The following ARHGAP6 variants were observed in gnomAD, a reference collection of about 807,000 sequenced individuals.
ARHGAP6 encodes the protein rho GTPase-activating protein 6.
ARHGAP6 carries 16 observed loss-of-function variants against 55.7 expected under a neutral mutation model. The observed-to-expected ratio is 0.29, with a 90% CI of 0.19 to 0.44. The LOEUF (loss-of-function observed/expected upper bound fraction) is 0.44, where lower values mean the gene tolerates loss of function less well. Ranked by LOEUF, ARHGAP6 falls within the 20% of genes least tolerant of loss-of-function variation. ARHGAP6 has a pLI of 1.00. For synonymous variants in ARHGAP6, 382 were observed against 360.9 expected (o/e 1.06, Z -0.66); for missense variants, 698 against 808.9 (o/e 0.86, Z 1.66).
chrX:11,591,484 T>C (rs1342122072), intron 1 of ARHGAP6, among the ~76,000 whole-genome samples: 1 of 110,397 alleles, frequency 9.1e-6, no homozygotes, highest in Non-Finnish European at 1.9e-5. Context: ...CAAATGTACA[T>C]CAAGGAATGA....
chrX:11,209,109 G>A (rs1484631557), intron 2 of ARHGAP6, among the ~76,000 whole-genome samples: 1 of 111,666 alleles, frequency 9.0e-6, no homozygotes, highest in African/African-American at 3.3e-5. Flanking sequence ...TAATCACTAC[G>A]TAAGATTATG....
intron 1 of ARHGAP6, among the ~76,000 whole-genome samples, chrX:11,452,308 C>T (rs1272154574): frequency 9.0e-6 from 1 of 111,249 alleles, no homozygotes; most frequent in Admixed American, 9.5e-5. Flanking sequence ...CCATCATGCC[C>T]AGCTACTTTT....
intron 1 of ARHGAP6, among the ~76,000 whole-genome samples, chrX:11,325,612 A>G (rs1271626003): frequency 8.9e-6 from 1 of 112,451 alleles, no homozygotes; most frequent in Non-Finnish European, 1.9e-5. Flanking sequence ...CTACACAGAT[A>G]ACATCTGAAA....
chrX:11,583,309 A>G (rs1195737208), intron 1 of ARHGAP6, among the ~76,000 whole-genome samples: 1 of 112,362 alleles, frequency 8.9e-6, no homozygotes, highest in Non-Finnish European at 1.9e-5. Context: ...GCAGGCTCAG[A>G]AAAGAGTTTT....
intron 2 of ARHGAP6, among the ~76,000 whole-genome samples, chrX:11,240,813 G>A (rs1279741873): frequency 1.8e-5 from 2 of 109,707 alleles, no homozygotes. Flanking sequence ...GGGACACCGA[G>A]GCAGGTGGAT....
At chrX:11,442,760 G>C (rs1364735149) in intron 1 of ARHGAP6, among the ~76,000 whole-genome samples, 1 of 111,695 alleles carries the variant, frequency 9.0e-6, no homozygotes, top group Non-Finnish European at 1.9e-5. Context: ...CACACTGTCA[G>C]GGTAGACGTA....
intron 1 of ARHGAP6, among the ~76,000 whole-genome samples, chrX:11,623,418 A>G (rs546845007): frequency 3.1e-4 from 35 of 111,445 alleles, no homozygotes; most frequent in African/African-American, 1.1e-3. Flanking sequence ...ATTTTAAAAA[A>G]CTGAAGAGGA....
chrX:11,476,071 T>C (rs1174784749), intron 1 of ARHGAP6, among the ~76,000 whole-genome samples: 1 of 108,068 alleles, frequency 9.3e-6, no homozygotes, highest in Non-Finnish European at 1.9e-5. Flanking sequence ...GACATACACA[T>C]TGAAAACAAA....
chrX:11,408,364 A>T (rs1191962773), intron 1 of ARHGAP6, among the ~76,000 whole-genome samples: 1 of 111,891 alleles, frequency 8.9e-6, no homozygotes, highest in Non-Finnish European at 1.9e-5. Context: ...TTCTTGCCAC[A>T]AGTCTGCCAG....
At position 11,440,339 on chromosome X, in the gene ARHGAP6, C is replaced by T. The variant is rs928250605; in HGVS notation, c.589-185632G>A. On this transcript the variant is annotated intron_variant, in intron 1 of 12. Transcript: ENST00000337414. Reference sequence around the variant, plus strand: ...CCATTGTTTTGCACTTACTACAGTACACATAGCATCCTCTCCACACTTTGA... The same window carrying T: ...CCATTGTTTTGCACTTACTACAGTATACATAGCATCCTCTCCACACTTTGA... Among the ~76,000 whole-genome samples, 89 of 112,316 alleles carry T rather than the reference C, an allele frequency of 7.9e-4. No homozygotes were observed. In the Middle Eastern group the frequency reaches 0.014, roughly 17 times the overall value.
intron 8 of ARHGAP6, among the ~76,000 whole-genome samples, chrX:11,176,015 C>T (rs2147323770): frequency 9.6e-6 from 1 of 104,674 alleles, no homozygotes; most frequent in South Asian, 4.7e-4. Flanking sequence ...CTATCATCCA[C>T]TGGGATACTG....
At chrX:11,561,977 G>A (rs189983449) in intron 1 of ARHGAP6, among the ~76,000 whole-genome samples, 1 of 112,197 alleles carries the variant, frequency 8.9e-6, no homozygotes, top group East Asian at 2.8e-4. Context: ...AGCTGCTGGG[G>A]CAGGTGATAC....
In ARHGAP6 at chrX:11,664,793, G is replaced by A. The variant is rs1482472158; in HGVS notation, c.36C>T (p.Ser12=). 1 of 1,202,362 alleles carries A rather than the reference G, an allele frequency of 8.3e-7. No homozygotes were observed. The highest frequency in any genetic ancestry group is 1.8e-5 in the South Asian group (1 of 55,001). The part of the protein sequence containing the change: ...SAQSLLHSVF[S]CSSPASSSAA... ...CGCTACTTGAAGCGGGCGAGGAACAGGAGAAGACGCTGTGGAGCAGGCTCT... is the reference window on the plus strand; with the variant it reads ...CGCTACTTGAAGCGGGCGAGGAACAAGAGAAGACGCTGTGGAGCAGGCTCT... Residue 12 remains serine (S), a synonymous_variant, in exon 1 of 13, where the codon TCC becomes TCT. Coordinates refer to ENST00000337414, the MANE Select transcript of ARHGAP6 (RefSeq NM_013427.3).
chrX:11,356,609 GT>G (rs992539953), intron 1 of ARHGAP6, among the ~76,000 whole-genome samples: 3 of 110,570 alleles, frequency 2.7e-5, no homozygotes, highest in Non-Finnish European at 5.7e-5. Context: ...GTCAATGTGG[GT>G]TTTTTTCTTA....
intron 2 of ARHGAP6, among the ~76,000 whole-genome samples, chrX:11,201,499 G>T (rs909259774): frequency 1.8e-5 from 2 of 111,848 alleles, no homozygotes; most frequent in Non-Finnish European, 3.8e-5. Context: ...GATAAATTCA[G>T]AACTTGCTCA....
chrX:11,368,614 A>G (rs1165027224), intron 1 of ARHGAP6, among the ~76,000 whole-genome samples: 1 of 112,025 alleles, frequency 8.9e-6, no homozygotes, highest in African/African-American at 3.2e-5. Context: ...AAGATACAGG[A>G]TAGAAATAGA....
chrX:11,547,450 C>T (rs1029832907), intron 1 of ARHGAP6, among the ~76,000 whole-genome samples: 3 of 111,184 alleles, frequency 2.7e-5, no homozygotes, highest in Admixed American at 9.6e-5. Context: ...ATTTGAAATA[C>T]GATAATAGAG....
intron 1 of ARHGAP6, among the ~76,000 whole-genome samples, chrX:11,482,899 CTG>C (rs1461921973): frequency 1.8e-5 from 2 of 111,832 alleles, no homozygotes; most frequent in Non-Finnish European, 1.9e-5. Context: ...CAGTACTTCT[CTG>C]TGGAGTTGCA....
At chrX:11,623,917 C>T (rs189903432) in intron 1 of ARHGAP6, among the ~76,000 whole-genome samples, 53 of 111,241 alleles carry the variant, frequency 4.8e-4, no homozygotes, top group African/African-American at 1.4e-3. Context: ...AACAGAATAG[C>T]CAAAGCAATC....
Sources: gnomAD v4.1 joint callset for allele counts (sites outside exome capture counted in the v4.1 genomes callset) on GRCh38, gnomAD v4.1.1 for gene constraint, MANE v1.5 for transcripts, NCBI Gene and HGNC (gene_info 2026-07-23, HGNC 2026-07-21) for gene names.